Variants in QTMAN observed in about 807,000 individuals in gnomAD.
The protein encoded by QTMAN is tRNA-queuosine alpha-mannosyltransferase.
At chr2:144,318,220 C>A in the QTMAN span, among the ~76,000 whole-genome samples, 1 of 151,836 alleles carries the variant, frequency 6.6e-6, no homozygotes, top group Non-Finnish European at 1.5e-5. Flanking sequence ...CACACACACA[C>A]ACACACACAC....
the QTMAN span, among the ~76,000 whole-genome samples, chr2:144,108,719 G>A: frequency 6.7e-6 from 1 of 148,606 alleles, no homozygotes; most frequent in Non-Finnish European, 1.5e-5. Flanking sequence ...CAAAGTCTCA[G>A]GATACAAAAT....
At chr2:144,230,798 T>A in the QTMAN span, among the ~76,000 whole-genome samples, 1 of 152,150 alleles carries the variant, frequency 6.6e-6, no homozygotes, top group Non-Finnish European at 1.5e-5. Context: ...TTGTTCAATG[T>A]TAGTAAGATT....
chr2:144,251,002 T>G, the QTMAN span, among the ~76,000 whole-genome samples: 1 of 152,080 alleles, frequency 6.6e-6, no homozygotes, highest in African/African-American at 2.4e-5. Flanking sequence ...AGTTAAAATT[T>G]TATAAGTTAA....
chr2:144,066,207 A>G, the QTMAN span, among the ~76,000 whole-genome samples: 1 of 151,718 alleles, frequency 6.6e-6, no homozygotes, highest in African/African-American at 2.4e-5. Flanking sequence ...TCTTTGAACC[A>G]ATAAAGCTAG....
At chr2:144,090,669 T>C in the QTMAN span, among the ~76,000 whole-genome samples, 2 of 152,050 alleles carry the variant, frequency 1.3e-5, no homozygotes, top group Admixed American at 1.3e-4. Flanking sequence ...GTATTAAATA[T>C]ATCTTATACA....
chr2:144,099,421 C>A, the QTMAN span, among the ~76,000 whole-genome samples: 1 of 152,092 alleles, frequency 6.6e-6, no homozygotes, highest in South Asian at 2.1e-4. Flanking sequence ...ATAAAAGATG[C>A]AAAGTCTTAT....
chr2:144,162,427 A>T, the QTMAN span, among the ~76,000 whole-genome samples: 1 of 152,192 alleles, frequency 6.6e-6, no homozygotes, highest in Non-Finnish European at 1.5e-5. Context: ...AGAATTTAGG[A>T]AGTGACTCTG....
the QTMAN span, among the ~76,000 whole-genome samples, chr2:143,967,500 T>A: frequency 6.6e-6 from 1 of 152,104 alleles, no homozygotes; most frequent in Non-Finnish European, 1.5e-5. Flanking sequence ...CTGGCTAATT[T>A]TTGTATTTTC....
the QTMAN span, among the ~76,000 whole-genome samples, chr2:144,054,863 A>C: frequency 6.6e-6 from 1 of 152,110 alleles, no homozygotes; most frequent in South Asian, 2.1e-4. Flanking sequence ...AAATTCTTTC[A>C]TTAGCTCCTA....
chr2:143,989,360 C>A, the QTMAN span, among the ~76,000 whole-genome samples: 3 of 151,878 alleles, frequency 2.0e-5, no homozygotes, highest in Non-Finnish European at 4.4e-5. Flanking sequence ...TTATTTAACT[C>A]CCAAAGAAGT....
the QTMAN span, among the ~76,000 whole-genome samples, chr2:144,045,496 T>C: frequency 6.6e-6 from 1 of 152,290 alleles, no homozygotes; most frequent in African/African-American, 2.4e-5. Flanking sequence ...TCCCGGTGCA[T>C]CAACTAGAAG....
the QTMAN span, among the ~76,000 whole-genome samples, chr2:144,078,242 C>T: frequency 3.3e-5 from 5 of 152,312 alleles, no homozygotes; most frequent in African/African-American, 1.2e-4. Context: ...ATCCATATTT[C>T]CCAGTGACAG....
chr2:144,148,074 T>C, the QTMAN span, among the ~76,000 whole-genome samples: 1 of 151,812 alleles, frequency 6.6e-6, no homozygotes, highest in Non-Finnish European at 1.5e-5. Flanking sequence ...AGGACATTAT[T>C]AGGACAATAG....
the QTMAN span, among the ~76,000 whole-genome samples, chr2:143,990,084 G>C: frequency 3.3e-5 from 5 of 152,020 alleles, no homozygotes; most frequent in African/African-American, 9.7e-5. Context: ...TGTGCAGCCA[G>C]GGTTACGCAC....
the QTMAN span, among the ~76,000 whole-genome samples, chr2:143,994,479 A>G: frequency 2.8e-3 from 424 of 152,300 alleles, 1 homozygote; most frequent in African/African-American, 9.9e-3. Flanking sequence ...AAAAAAGTGA[A>G]AACAATCCAA....
chr2:144,240,837 T>A, the QTMAN span, among the ~76,000 whole-genome samples: 1 of 152,240 alleles, frequency 6.6e-6, no homozygotes, highest in African/African-American at 2.4e-5. Context: ...CTTGCCTCAC[T>A]GAGCACCCAG....
the QTMAN span, among the ~76,000 whole-genome samples, chr2:144,251,126 T>C: frequency 6.6e-6 from 1 of 152,242 alleles, no homozygotes; most frequent in Middle Eastern, 3.4e-3. Context: ...TTTATTTCCA[T>C]TGTGACACTG....
the QTMAN span, among the ~76,000 whole-genome samples, chr2:144,103,901 C>A: frequency 6.6e-6 from 1 of 151,950 alleles, no homozygotes; most frequent in Non-Finnish European, 1.5e-5. Context: ...AGCAGCCTGG[C>A]CAACATGGCA....
the QTMAN span, among the ~76,000 whole-genome samples, chr2:144,112,509 A>G: frequency 2.6e-5 from 4 of 152,260 alleles, no homozygotes; most frequent in Non-Finnish European, 4.4e-5. Flanking sequence ...AGCCCCTAGA[A>G]AAATCTATTC....
Sources: gnomAD v4.1 joint callset for allele counts (sites outside exome capture counted in the v4.1 genomes callset) on GRCh38, gnomAD v4.1.1 for gene constraint, MANE v1.5 for transcripts, NCBI Gene and HGNC (gene_info 2026-07-23, HGNC 2026-07-21) for gene names.